The following SLC12A3 variants were observed in gnomAD, a reference collection of about 807,000 sequenced individuals.
SLC12A3 encodes the protein Na-Cl cotransporter.
Under a neutral mutation model 121.0 loss-of-function variants are expected in SLC12A3, and 104 were observed. That is an observed-to-expected ratio of 0.86 (90% CI 0.73 to 1.01). The LOEUF is 1.01. Among genes scored for constraint, SLC12A3 ranks in the 50% least tolerant of loss-of-function variants. The probability of loss-of-function intolerance (pLI) is 0.00; values close to 1 mark genes in which losing one functional copy is unlikely to be tolerated. For synonymous variants in SLC12A3, 536 were observed against 533.4 expected, an observed-to-expected ratio of 1.00 and a Z score of -0.07; for missense variants, 1,328 against 1,356.3, an observed-to-expected ratio of 0.98 and a Z score of 0.33.
At chr16:56,872,878 A>C in intron 8 of SLC12A3, 92 bp downstream of exon 8, 1 of 1,537,068 alleles carries the variant, frequency 6.5e-7, no homozygotes, top group Non-Finnish European at 8.9e-7. Context: ...TCTGCCGCTG[A>C]CCTGGGAGGC....
chr16:56,880,535 C>T (rs1399384878), intron 12 of SLC12A3, among the ~76,000 whole-genome samples: 1 of 152,168 alleles, frequency 6.6e-6, no homozygotes, highest in Non-Finnish European at 1.5e-5. Flanking sequence ...CCTGTTCCCC[C>T]GGTCTGCGTT....
At chr16:56,889,339 T>A (rs2055359181) in intron 18 of SLC12A3, among the ~76,000 whole-genome samples, 1 of 152,190 alleles carries the variant, frequency 6.6e-6, no homozygotes. Flanking sequence ...CCTGGAGATA[T>A]GTGATCTAAG....
At chr16:56,880,737 G>T (rs2055229591) in intron 12 of SLC12A3, among the ~76,000 whole-genome samples, 1 of 152,184 alleles carries the variant, frequency 6.6e-6, no homozygotes, top group African/African-American at 2.4e-5. Context: ...TGGGCTTCAA[G>T]GTGGTAGATG....
chr16:56,865,730 G>A (rs1438712957), intron 1 of SLC12A3, among the ~76,000 whole-genome samples: 6 of 152,214 alleles, frequency 3.9e-5, no homozygotes, highest in African/African-American at 1.4e-4. Context: ...CCCAAAGCTA[G>A]AGTGGGAGGC....
intron 25 of SLC12A3, among the ~76,000 whole-genome samples, chr16:56,907,490 C>T (rs1365602164): frequency 1.3e-5 from 2 of 152,190 alleles, no homozygotes; most frequent in Admixed American, 6.5e-5. Context: ...CCATACACGA[C>T]AGCAGTTTTC....
chr16:56,886,612 G>C (rs1436526184), intron 16 of SLC12A3, 137 bp downstream of exon 16: 2 of 799,982 alleles, frequency 2.5e-6, no homozygotes, highest in African/African-American at 1.7e-5. Context: ...CAGCTCCTGG[G>C]GGAGTCGCCT....
rs1294460015 is a variant in SLC12A3 at position 56,867,197 on chromosome 16, G to C, written c.410G>C (p.Gly137Ala). ...EKNPEEPVRFGWVKGVMIRCM... is the reference protein window; with the variant it reads ...EKNPEEPVRFAWVKGVMIRCM... ...AACCCCGAGGAGCCAGTGCGCTTCG[G>C]CTGGGTCAAGGGGGTGATGGTGAGT... The change falls in exon 2 of 26, where the codon GGC (glycine) becomes GCC (alanine). Residue 137 changes from glycine to alanine, a missense_variant. Coordinates refer to ENST00000563236, the MANE Select transcript of SLC12A3 (RefSeq NM_001126108.2). 2 of 1,611,862 alleles carry C rather than the reference G, an allele frequency of 1.2e-6. No homozygotes were observed. The highest frequency in any genetic ancestry group is 1.7e-6 in the Non-Finnish European group (2 of 1,179,298).
At position 56,915,024 on chromosome 16, in the gene SLC12A3, G is replaced by C. The variant is rs1233398398; in HGVS notation, c.*1619G>C. Reference sequence around the variant, plus strand: ...GAGATGGAGAAAGGACCTATACCTGGCTCACGGAAGGCCTTCAGGTCACTA... The same window carrying C: ...GAGATGGAGAAAGGACCTATACCTGCCTCACGGAAGGCCTTCAGGTCACTA... On this transcript the variant is annotated 3_prime_UTR_variant, in exon 26 of 26. Coordinates refer to ENST00000563236, the MANE Select transcript of SLC12A3 (RefSeq NM_001126108.2). The C allele has an allele frequency of 6.6e-6, 1 of 152,266 alleles. No individual in the cohort carries two copies. The highest frequency in any genetic ancestry group is 1.5e-5 in the Non-Finnish European group (1 of 68,090). 9.4% of individuals were successfully genotyped at this position (152,266 alleles called of 1,614,324 possible).
intron 3 of SLC12A3, among the ~76,000 whole-genome samples, chr16:56,868,878 C>T (rs1161952554): frequency 6.6e-6 from 1 of 151,838 alleles, no homozygotes; most frequent in African/African-American, 2.4e-5. Context: ...GAGGCTGAGT[C>T]AGAGAATTGC....
intron 8 of SLC12A3, among the ~76,000 whole-genome samples, chr16:56,877,643 G>GCCTCATCT (rs1364311217): frequency 1.6e-4 from 24 of 152,144 alleles, no homozygotes; most frequent in Non-Finnish European, 2.6e-4. Flanking sequence ...GAGGGGCCGG[G>GCCTCATCT]GTGTGAGAGC....
rs34438029 is a variant in SLC12A3 at position 56,895,192 on chromosome 16, A to ATTTT, written c.2633+564_2633+567dup. On this transcript the variant is annotated intron_variant, in intron 22 of 25. Coordinates refer to ENST00000563236, the MANE Select transcript of SLC12A3 (RefSeq NM_001126108.2). ...ATGTTTTAAATTTTTATATATTTTA[A>ATTTT]TTTTTTTTTTTTTTTTTGAGATGGA... 9.8e-4 allele frequency among the ~76,000 whole-genome samples: 124 copies of ATTTT among 126,662 alleles called. 1 individual carries two copies. Among genetic ancestry groups the ATTTT allele is most frequent in the African/African-American group, 2.7e-3 (86 of 32,312 alleles). The allele number at this position is 126,662 out of a possible 152,430, so 83.1% of individuals were successfully genotyped here.
intron 14 of SLC12A3, among the ~76,000 whole-genome samples, chr16:56,885,047 G>GTGAGCCACCGTGCCTGGCCT (rs1230085493): frequency 1.3e-5 from 2 of 152,182 alleles, no homozygotes; most frequent in Non-Finnish European, 2.9e-5. Flanking sequence ...GATTACAGGT[G>GTGAGCCACCGTGCCTGGCCT]TGAGCCACCG....
rs1719257417 is a variant in SLC12A3 at position 56,913,521 on chromosome 16, T to A, written c.*116T>A. 5.7e-6 allele frequency: 6 copies of A among 1,051,714 alleles called. No individual in the cohort carries two copies. The highest frequency in any genetic ancestry group is 9.0e-6 in the Non-Finnish European group (6 of 669,970). The allele number at this position is 1,051,714 out of a possible 1,614,324, so 65.1% of individuals were successfully genotyped here. On this transcript the variant is annotated 3_prime_UTR_variant, in exon 26 of 26. Transcript: ENST00000563236. ...TTCTGTTGCACTTTAAGTGGCAGCATCTGATGATCTCACCGAAAAAGATGG... is the reference window on the plus strand; with the variant it reads ...TTCTGTTGCACTTTAAGTGGCAGCAACTGATGATCTCACCGAAAAAGATGG...
At chr16:56,903,751 A>G (rs1432217255) in intron 24 of SLC12A3, among the ~76,000 whole-genome samples, 1 of 138,942 alleles carries the variant, frequency 7.2e-6, no homozygotes, top group Non-Finnish European at 1.5e-5. Context: ...CCCACCCCCA[A>G]CCCAGTCCCA....
At position 56,870,689 on chromosome 16, in the gene SLC12A3, A is replaced by G; in HGVS notation, c.805A>G (p.Thr269Ala). ...DIRIIAVVSVTVLLAISLAGM... is the reference protein window; with the variant it reads ...DIRIIAVVSVAVLLAISLAGM... ...CCGCATCATTGCCGTGGTCTCGGTC[A>G]CTGTGCTGCTGGCCATCTCCCTGGC... Residue 269 changes from threonine to alanine, a missense_variant, in exon 6 of 26, where the codon ACT (threonine) becomes GCT (alanine). Coordinates refer to ENST00000563236, the MANE Select transcript of SLC12A3 (RefSeq NM_001126108.2). 1.9e-6 allele frequency: 3 copies of G among 1,613,976 alleles called. No individual in the cohort carries two copies. Among genetic ancestry groups the G allele is most frequent in the Non-Finnish European group, 2.5e-6 (3 of 1,179,874 alleles).
chr16:56,905,137 C>T (rs185622986), intron 25 of SLC12A3, among the ~76,000 whole-genome samples: 11 of 152,032 alleles, frequency 7.2e-5, no homozygotes, highest in East Asian at 3.9e-4. Flanking sequence ...GTCGGGAGGT[C>T]GAGACCAGCC....
chr16:56,898,938 G>C (rs1425521114), intron 22 of SLC12A3, among the ~76,000 whole-genome samples: 1 of 152,186 alleles, frequency 6.6e-6, no homozygotes, highest in Non-Finnish European at 1.5e-5. Context: ...CCTCACCCCA[G>C]ACCAGCCGAA....
intron 3 of SLC12A3, 63 bp downstream of exon 3, chr16:56,868,435 C>T: frequency 6.7e-7 from 1 of 1,494,850 alleles, no homozygotes; most frequent in Non-Finnish European, 9.2e-7. Context: ...CCCAGCTTGC[C>T]TGAATCCTGT....
chr16:56,914,300 G>A lies in SLC12A3; in HGVS notation c.*895G>A, dbSNP rs1046715582. Reference sequence around the variant, plus strand: ...TGGTTCTTTGGACGAGGGACTTTTCGAACTTTTTTGGTTGCAACACACAGT... The same window carrying A: ...TGGTTCTTTGGACGAGGGACTTTTCAAACTTTTTTGGTTGCAACACACAGT... On this transcript the variant is annotated 3_prime_UTR_variant, in exon 26 of 26. Transcript: ENST00000563236. 6.6e-6 allele frequency: 1 copy of A among 152,158 alleles called. No homozygotes were observed. Among genetic ancestry groups the A allele is most frequent in the African/African-American group, 2.4e-5 (1 of 41,436 alleles). 9.4% of individuals were successfully genotyped at this position (152,158 alleles called of 1,614,324 possible).
Sources: gnomAD v4.1 joint callset for allele counts (sites outside exome capture counted in the v4.1 genomes callset) on GRCh38, gnomAD v4.1.1 for gene constraint, MANE v1.5 for transcripts, NCBI Gene and HGNC (gene_info 2026-07-23, HGNC 2026-07-21) for gene names.